The following CDH18 variants were observed in gnomAD, a reference collection of about 807,000 sequenced individuals.
CDH18 encodes cadherin 18.
A neutral mutation model predicts 67.9 loss-of-function variants in CDH18; 31 were observed. The observed-to-expected ratio is 0.46, with a 90% CI of 0.34 to 0.62. CDH18 has a LOEUF of 0.62. Ranked by LOEUF, CDH18 falls within the 20% of genes least tolerant of loss-of-function variation. The probability of loss-of-function intolerance (pLI) is 0.01; values close to 1 mark genes in which losing one functional copy is unlikely to be tolerated. For missense variants in CDH18, 890 were observed against 975.5 expected (o/e 0.91, Z 1.17); for synonymous variants, 362 against 347.2 (o/e 1.04, Z -0.48).
At chr5:20,474,856 C>T (rs1487369127) in intron 1 of CDH18, among the ~76,000 whole-genome samples, 1 of 152,142 alleles carries the variant, frequency 6.6e-6, no homozygotes, top group African/African-American at 2.4e-5. Context: ...AACCAAATAA[C>T]CTCTAAGACT....
intron 3 of CDH18, among the ~76,000 whole-genome samples, chr5:19,811,413 A>G (rs1258816212): frequency 6.6e-6 from 1 of 152,038 alleles, no homozygotes; most frequent in Non-Finnish European, 1.5e-5. Flanking sequence ...ACATACAGGA[A>G]AAAAACTGTG....
At chr5:19,597,395 T>A (rs12521865) in intron 6 of CDH18, among the ~76,000 whole-genome samples, 86,869 of 152,068 alleles carry the variant, frequency 0.57, 27,367 homozygotes, top group South Asian at 0.75. Flanking sequence ...AACACAGGCA[T>A]AGATAAGCTA....
intron 3 of CDH18, among the ~76,000 whole-genome samples, chr5:19,797,950 C>T (rs1257652077): frequency 6.6e-6 from 1 of 151,992 alleles, no homozygotes; most frequent in East Asian, 1.9e-4. Flanking sequence ...GTGGACAAGA[C>T]AGTGTGGTGT....
chr5:19,524,596 T>C (rs1445464596), intron 9 of CDH18, among the ~76,000 whole-genome samples: 1 of 152,134 alleles, frequency 6.6e-6, no homozygotes, highest in Non-Finnish European at 1.5e-5. Context: ...ATATTTTCTA[T>C]TCTACATATC....
chr5:20,450,489 T>G (rs1473009230), intron 1 of CDH18, among the ~76,000 whole-genome samples: 5 of 152,148 alleles, frequency 3.3e-5, no homozygotes, highest in Non-Finnish European at 7.4e-5. Context: ...AATTTAAAAA[T>G]AAAAATGCAT....
At chr5:20,294,956 G>A (rs1747374488) in intron 1 of CDH18, among the ~76,000 whole-genome samples, 1 of 152,144 alleles carries the variant, frequency 6.6e-6, no homozygotes, top group Admixed American at 6.5e-5. Flanking sequence ...CATGATTAAT[G>A]TGTGAGCTAT....
At chr5:20,220,320 A>T (rs1216639056) in intron 2 of CDH18, among the ~76,000 whole-genome samples, 1 of 151,932 alleles carries the variant, frequency 6.6e-6, no homozygotes, top group African/African-American at 2.4e-5. Context: ...AGAAATACAT[A>T]CATACTTCTA....
intron 8 of CDH18, among the ~76,000 whole-genome samples, chr5:19,566,023 A>G (rs995759451): frequency 2.4e-5 from 3 of 124,444 alleles, no homozygotes; most frequent in African/African-American, 6.8e-5. Flanking sequence ...AAATCTATAG[A>G]AAAAAAAAAT....
intron 1 of CDH18, among the ~76,000 whole-genome samples, chr5:20,560,666 AT>A (rs1758157655): frequency 6.6e-6 from 1 of 152,080 alleles, no homozygotes; most frequent in African/African-American, 2.4e-5. Context: ...CAACTCTTCT[AT>A]TTAGAGCTGC....
intron 2 of CDH18, among the ~76,000 whole-genome samples, chr5:19,877,427 T>C (rs1471583346): frequency 6.6e-6 from 1 of 152,068 alleles, no homozygotes; most frequent in Non-Finnish European, 1.5e-5. Flanking sequence ...CACAAGAATG[T>C]AAATACGAGG....
At chr5:19,846,248 T>G (rs897477687) in intron 2 of CDH18, among the ~76,000 whole-genome samples, 4 of 152,142 alleles carry the variant, frequency 2.6e-5, no homozygotes, top group African/African-American at 7.2e-5. Flanking sequence ...TATTTTAAGC[T>G]GATAACAAAT....
intron 1 of CDH18, among the ~76,000 whole-genome samples, chr5:20,257,990 T>G (rs1744372670): frequency 7.1e-6 from 1 of 140,074 alleles, no homozygotes; most frequent in Non-Finnish European, 1.6e-5. Flanking sequence ...ATTATATAGG[T>G]CAGTACTTCA....
intron 1 of CDH18, among the ~76,000 whole-genome samples, chr5:20,484,109 T>C (rs568566128): frequency 2.6e-5 from 4 of 151,992 alleles, no homozygotes; most frequent in Middle Eastern, 3.4e-3. Flanking sequence ...TGAATAAAAA[T>C]GGGCAAAAGG....
intron 2 of CDH18, among the ~76,000 whole-genome samples, chr5:20,082,479 GT>G (rs1234371976): frequency 4.6e-5 from 7 of 152,134 alleles, no homozygotes; most frequent in African/African-American, 1.7e-4. Flanking sequence ...AGTGGTCTAT[GT>G]AACTATTTTT....
intron 3 of CDH18, among the ~76,000 whole-genome samples, chr5:19,822,199 C>G (rs1353183167): frequency 6.6e-6 from 1 of 152,128 alleles, no homozygotes; most frequent in Admixed American, 6.5e-5. Context: ...ATAACCAAGA[C>G]CATCCATCTT....
intron 10 of CDH18, among the ~76,000 whole-genome samples, chr5:19,519,430 G>T (rs1347053156): frequency 6.6e-6 from 1 of 152,056 alleles, no homozygotes; most frequent in Non-Finnish European, 1.5e-5. Context: ...TACTCATTTG[G>T]GTTCACTAAA....
rs141779641 is a variant in CDH18, at chr5:20,049,600, C to T, written c.-517-57586G>A. On this transcript the variant is annotated intron_variant, in intron 2 of 14. Coordinates refer to the CDH18 transcript ENST00000507958. ...AAACAGTAACACAATGAAGTGACAA[C>T]AAAAATAATGCATTCCATGTTGACC... Among the ~76,000 whole-genome samples, 51 of 151,716 alleles carry T rather than the reference C, an allele frequency of 3.4e-4. 2 individuals carry two copies. In the East Asian group the frequency reaches 9.3e-3, roughly 28 times the overall value.
At chr5:20,501,062 C>T (rs899576535) in intron 1 of CDH18, among the ~76,000 whole-genome samples, 1 of 152,084 alleles carries the variant, frequency 6.6e-6, no homozygotes, top group Non-Finnish European at 1.5e-5. Flanking sequence ...TTTAGTCACT[C>T]TGTCTTAAAT....
intron 3 of CDH18, among the ~76,000 whole-genome samples, chr5:19,761,712 G>T (rs1257938855): frequency 6.6e-6 from 1 of 152,126 alleles, no homozygotes; most frequent in Non-Finnish European, 1.5e-5. Context: ...AGCTACCAAT[G>T]ACTTTCTTCA....
Sources: allele counts gnomAD v4.1 joint callset (sites outside exome capture counted in the v4.1 genomes callset), GRCh38; gene constraint gnomAD v4.1.1; transcripts MANE v1.5; gene names NCBI Gene and HGNC (gene_info 2026-07-23, HGNC 2026-07-21).